Variants in CFAP54 observed in about 807,000 individuals in gnomAD.
The protein encoded by CFAP54 is cilia- and flagella-associated protein 54.
CFAP54 carries 290 observed loss-of-function variants against 370.4 expected under a neutral mutation model. The ratio of observed to expected loss-of-function variants is 0.78; its 90% CI spans 0.71 to 0.86. The LOEUF is 0.86. Ranked by LOEUF, CFAP54 falls within the 40% of genes least tolerant of loss-of-function variation. CFAP54 has a pLI of 0.00. For synonymous variants in CFAP54, 1,206 were observed against 1,236.5 expected, an observed-to-expected ratio of 0.98 and a Z score of 0.52; for missense variants, 3,399 against 3,528.7, an observed-to-expected ratio of 0.96 and a Z score of 0.93.
At chr12:96,702,937 C>T (rs550221926) in intron 46 of CFAP54, among the ~76,000 whole-genome samples, 1 of 152,258 alleles carries the variant, frequency 6.6e-6, no homozygotes, top group Non-Finnish European at 1.5e-5. Context: ...ACATTATACT[C>T]ATATTGGTAT....
chr12:96,493,460 A>G (rs1954909004), intron 1 of CFAP54, among the ~76,000 whole-genome samples: 1 of 152,250 alleles, frequency 6.6e-6, no homozygotes, highest in Admixed American at 6.5e-5. Context: ...TTTATAGTCT[A>G]GAGAGGGAAC....
At chr12:96,716,308 C>G (rs1957678098) in intron 48 of CFAP54, among the ~76,000 whole-genome samples, 1 of 152,158 alleles carries the variant, frequency 6.6e-6, no homozygotes, top group Non-Finnish European at 1.5e-5. Flanking sequence ...AGATGTTTCT[C>G]TTAATTCTTT....
chr12:96,775,543 AT>A (rs1476326277), intron 60 of CFAP54, among the ~76,000 whole-genome samples: 10 of 152,192 alleles, frequency 6.6e-5, no homozygotes, highest in Admixed American at 2.0e-4. Context: ...TGTAAAAACC[AT>A]TTTTAGCTCA....
chr12:96,541,854 A>G (rs189753186), intron 14 of CFAP54, among the ~76,000 whole-genome samples: 2 of 148,948 alleles, frequency 1.3e-5, no homozygotes, highest in East Asian at 3.9e-4. Context: ...TTTTCTTCTT[A>G]TCCTTATCAT....
chr12:96,874,080 C>G lies in CFAP54; in HGVS notation c.*15-1038C>G, dbSNP rs527726351. ...TTTTATCTCCAACCCAGAGTGCTCT[C>G]CTATCTCCAGATTCCTGTAGCCACC... On this transcript the variant is annotated intron_variant, in intron 67 of 67. Transcript: ENST00000524981. Among the ~76,000 whole-genome samples the G allele has an allele frequency of 2.0e-3, 298 of 152,298 alleles. 1 individual carries two copies. Among genetic ancestry groups the G allele is most frequent in the Non-Finnish European group, 3.2e-3 (216 of 68,030 alleles).
chr12:96,690,181 A>G (rs1231043009), intron 43 of CFAP54, among the ~76,000 whole-genome samples: 2 of 152,250 alleles, frequency 1.3e-5, no homozygotes, highest in African/African-American at 2.4e-5. Context: ...TAGTAATACT[A>G]TACCTAAAAT....
rs1029412804 is a variant in CFAP54 at position 96,644,391 on chromosome 12, A to G, written c.4530A>G (p.Thr1510=). The G allele has an allele frequency of 2.6e-5, 40 of 1,533,546 alleles. No individual in the cohort carries two copies. The highest frequency in any genetic ancestry group is 6.0e-5 in the South Asian group (5 of 83,996). 95.0% of individuals were successfully genotyped at this position (1,533,546 alleles called of 1,614,324 possible). ...AGTGTACGAAGATGAAATTTGGCAC[A>G]TCACATATGATGGTCAGGTATAGTA... ...LWECTKMKFG[T]SHMMVSFRSC... Residue 1510 remains threonine (T), a synonymous_variant, in exon 33 of 68, where the codon ACA becomes ACG. Coordinates refer to ENST00000524981, the MANE Select transcript of CFAP54 (RefSeq NM_001306084.2).
At chr12:96,536,372 G>A (rs1955503450) in intron 12 of CFAP54, among the ~76,000 whole-genome samples, 1 of 152,110 alleles carries the variant, frequency 6.6e-6, no homozygotes, top group Non-Finnish European at 1.5e-5. Context: ...TGTAAACCAC[G>A]GTTATAGAGC....
At chr12:96,651,443 C>G (rs983088175) in intron 35 of CFAP54, 145 bp from the exon 36 acceptor site, 11 of 653,198 alleles carry the variant, frequency 1.7e-5, no homozygotes, top group Non-Finnish European at 1.9e-5. Context: ...ATGCATATAA[C>G]AGTGTCTAAC....
rs767920692 is a variant in CFAP54, at chr12:96,592,560, AC to A, written c.3284del (p.Thr1095LysfsTer30). 4.2e-6 allele frequency: 5 copies of A among 1,191,654 alleles called. No individual in the cohort carries two copies. The South Asian group carries it at 8.2e-5, about 20-fold the overall frequency. 73.8% of individuals were successfully genotyped at this position (1,191,654 alleles called of 1,614,324 possible). ...CCTTTTTCTTAGAAATATTTTTGTA[AC>A]AAGTGACATCAAAATTAAAGAAGAA... is the stretch of plus-strand genomic sequence containing the variant. ...LYLFLRNIFV[T>X]SDIKIKEENL... On this transcript the variant is annotated frameshift_variant, in exon 24 of 68. Transcript: ENST00000524981. LOFTEE classifies it high-confidence loss of function.
At chr12:96,645,217 GATAC>G (rs1260480104) in intron 33 of CFAP54, 2 of 455,598 alleles carry the variant, frequency 4.4e-6, no homozygotes, top group Non-Finnish European at 8.8e-6. Context: ...AAAAATAGAA[GATAC>G]ATACATAATA....
rs986223768 is a variant in CFAP54, at chr12:96,770,696, T to C, written c.8281+5478T>C. 3.9e-5 allele frequency among the ~76,000 whole-genome samples: 6 copies of C among 152,364 alleles called. No individual in the cohort carries two copies. In the South Asian group the frequency reaches 1.0e-3, roughly 26 times the overall value. ...TAAGGGGATGAGTGGCACCTGATGC[T>C]GTGTGCCACAGCTATCTTACTTGAT... On this transcript the variant is annotated intron_variant, in intron 60 of 67. Coordinates refer to ENST00000524981, the MANE Select transcript of CFAP54 (RefSeq NM_001306084.2).
chr12:96,743,616 A>C lies in CFAP54; in HGVS notation c.7377+57A>C, dbSNP rs1301469378. ...CAGGGAGGGATTCCAGTTAGAACAAAAGGAGAGAATTTCAAATTCCACTAG... is the reference window on the plus strand; with the variant it reads ...CAGGGAGGGATTCCAGTTAGAACAACAGGAGAGAATTTCAAATTCCACTAG... On this transcript the variant is annotated intron_variant, in intron 53 of 67. Transcript: ENST00000524981. 8 of 1,604,802 alleles carry C rather than the reference A, an allele frequency of 5.0e-6. No homozygotes were observed. In the African/African-American group the frequency reaches 9.4e-5, roughly 19 times the overall value.
intron 26 of CFAP54, among the ~76,000 whole-genome samples, chr12:96,607,829 T>G (rs975338208): frequency 1.3e-5 from 2 of 151,818 alleles, no homozygotes; most frequent in Non-Finnish European, 2.9e-5. Context: ...TGCTAGAAGT[T>G]AAAACACTGG....
At chr12:96,826,395 A>G (rs969720833) in intron 65 of CFAP54, among the ~76,000 whole-genome samples, 5 of 116,864 alleles carry the variant, frequency 4.3e-5, no homozygotes, top group African/African-American at 1.6e-4. Flanking sequence ...TGTTATATAT[A>G]TATTCAATAT....
rs564746583 is a variant in CFAP54, at chr12:96,606,817, C to T, written c.3639+8050C>T. On this transcript the variant is annotated intron_variant, in intron 26 of 67. Transcript: ENST00000524981. ...GAGGTCAGCTTGTTTGTTCTCGTTG[C>T]TTGGCTCAAAGACCAGCATTGTGTG... 5.3e-5 allele frequency among the ~76,000 whole-genome samples: 8 copies of T among 152,242 alleles called. No homozygotes were observed. The South Asian group carries it at 1.5e-3, about 28-fold the overall frequency.
intron 4 of CFAP54, among the ~76,000 whole-genome samples, chr12:96,511,129 A>G (rs972679782): frequency 1.3e-5 from 2 of 152,138 alleles, no homozygotes; most frequent in African/African-American, 4.8e-5. Context: ...TCACATGAAT[A>G]ATGCCAAGTC....
At chr12:96,527,943 T>C (rs1259315915) in intron 9 of CFAP54, among the ~76,000 whole-genome samples, 1 of 152,176 alleles carries the variant, frequency 6.6e-6, no homozygotes, top group Non-Finnish European at 1.5e-5. Context: ...TATTAGTAGA[T>C]TTTTGGGGGG....
At chr12:96,695,600 A>G (rs1405033024) in intron 45 of CFAP54, among the ~76,000 whole-genome samples, 1 of 152,186 alleles carries the variant, frequency 6.6e-6, no homozygotes, top group Non-Finnish European at 1.5e-5. Context: ...GTTCTCTTCA[A>G]TATTGCAAAA....
Sources: allele counts gnomAD v4.1 joint callset (sites outside exome capture counted in the v4.1 genomes callset), GRCh38; gene constraint gnomAD v4.1.1; transcripts MANE v1.5; gene names NCBI Gene and HGNC (gene_info 2026-07-23, HGNC 2026-07-21).